The following VAV2 variants were observed in gnomAD, a reference collection of about 807,000 sequenced individuals.
VAV2 encodes guanine nucleotide exchange factor VAV2.
In VAV2, 67 loss-of-function variants were observed where a neutral mutation model predicts 132.5. That is an observed-to-expected ratio of 0.51 (90% CI 0.42 to 0.62). The LOEUF (loss-of-function observed/expected upper bound fraction) is 0.62. Among genes scored for constraint, VAV2 ranks in the 20% least tolerant of loss-of-function variants. The pLI is 0.00. For missense variants in VAV2, 938 were observed against 1,153.6 expected (o/e 0.81, Z 2.71); for synonymous variants, 492 against 443.5 (o/e 1.11, Z -1.37).
chr9:133,769,225 C>T lies in VAV2; in HGVS notation c.2434+192G>A, dbSNP rs891944283. On this transcript the variant is annotated intron_variant, in intron 28 of 29. Transcript: ENST00000371850. The surrounding 1 kb of genome is among the most constrained non-coding windows in gnomAD (Gnocchi z 8.1). ...GTGACAATGGCAGGGCCAAGCCTGA[C>T]GTGTCCTCAGGTGCTCGCAGCAGCC... 2.6e-5 allele frequency among the ~76,000 whole-genome samples: 4 copies of T among 152,226 alleles called. No individual in the cohort carries two copies. Among genetic ancestry groups the T allele is most frequent in the Non-Finnish European group, 5.9e-5 (4 of 68,032 alleles).
chr9:133,787,404 C>A, intron 15 of VAV2, 144 bp from the exon 16 acceptor site: 1 of 971,808 alleles, frequency 1.0e-6, no homozygotes, highest in South Asian at 3.1e-5. Context: ...GTGGGGTGAT[C>A]AGTGGGGAAA....
Position 133,912,485 on chromosome 9 carries a change from A to G in VAV2, c.321+26618T>C, listed in dbSNP as rs1447963165. Among the ~76,000 whole-genome samples the G allele has an allele frequency of 1.3e-5, 2 of 152,150 alleles. No homozygotes were observed. Among genetic ancestry groups the G allele is most frequent in the African/African-American group, 2.4e-5 (1 of 41,424 alleles). On this transcript the variant is annotated intron_variant, in intron 2 of 29. Coordinates refer to ENST00000371850, the MANE Select transcript of VAV2 (RefSeq NM_001134398.2). The surrounding 1 kb of genome is among the most constrained non-coding windows in gnomAD (Gnocchi z 4.3). Reference sequence around the variant, plus strand: ...GTACCCCAACATGTCAGGGTATATCAACACCCATATGTCACTGGTGCTGGG... The same window carrying G: ...GTACCCCAACATGTCAGGGTATATCGACACCCATATGTCACTGGTGCTGGG...
At position 133,928,713 on chromosome 9, in the gene VAV2, C is replaced by T. The variant is rs1409621122; in HGVS notation, c.321+10390G>A. Among the ~76,000 whole-genome samples the T allele has an allele frequency of 6.6e-6, 1 of 152,214 alleles. No individual in the cohort carries two copies. The highest frequency in any genetic ancestry group is 1.5e-5 in the Non-Finnish European group (1 of 68,038). The stretch of plus-strand genomic sequence containing the variant: ...TACCCCAAGGTTACTGCTGTGTTCT[C>T]CCCTGGCCAGACAGAGCCTGCGGGA... On this transcript the variant is annotated intron_variant, in intron 2 of 29. Transcript: ENST00000371850. This position sits in a 1 kb window ranked among gnomAD's most constrained non-coding sequence, Gnocchi z 5.4.
intron 2 of VAV2, among the ~76,000 whole-genome samples, chr9:133,903,958 C>T (rs530282034): frequency 2.1e-4 from 32 of 152,276 alleles, no homozygotes; most frequent in Non-Finnish European, 3.7e-4. Context: ...AAGATGTAAA[C>T]GATTGAGCAA....
At position 133,991,595 on chromosome 9, in the gene VAV2, CCCGCGCCCCTCCCGGGCCCTCCAG is replaced by C. The variant is rs1843020584; in HGVS notation, c.204+456_204+479del. ...TCCCTCCGGCCCCGAGGGCTCCCGC[CCCGCGCCCCTCCCGGGCCCTCCAG>C]CCGCGCCCCGGGCCGGCGCAGCGAC... On this transcript the variant is annotated intron_variant, in intron 1 of 29. Coordinates refer to ENST00000371850, the MANE Select transcript of VAV2 (RefSeq NM_001134398.2). The surrounding 1 kb of genome is among the most constrained non-coding windows in gnomAD (Gnocchi z 4.8). Among the ~76,000 whole-genome samples the C allele has an allele frequency of 6.6e-6, 1 of 151,626 alleles. No homozygotes were observed. The highest frequency in any genetic ancestry group is 1.5e-5 in the Non-Finnish European group (1 of 67,858).
intron 20 of VAV2, 68 bp from the exon 21 acceptor site, chr9:133,780,007 C>G (rs552411790): frequency 1.3e-6 from 2 of 1,598,630 alleles, no homozygotes; most frequent in African/African-American, 2.7e-5. Flanking sequence ...CATGCATCAA[C>G]GCACCCCGCC....
At chr9:133,836,155 CAG>C (rs1242808895) in intron 3 of VAV2, among the ~76,000 whole-genome samples, 1 of 152,216 alleles carries the variant, frequency 6.6e-6, no homozygotes, top group Non-Finnish European at 1.5e-5. Context: ...CATGCCGACA[CAG>C]ATCCCGCCCA....
At chr9:133,852,659 GC>G (rs1380203021) in intron 3 of VAV2, among the ~76,000 whole-genome samples, 1 of 152,052 alleles carries the variant, frequency 6.6e-6, no homozygotes, top group Non-Finnish European at 1.5e-5. Context: ...CTGCCAGGCT[GC>G]CAGCCCTGCT....
intron 13 of VAV2, among the ~76,000 whole-genome samples, chr9:133,791,417 C>G (rs58828586): frequency 0.032 from 4,926 of 152,108 alleles, 291 homozygotes; most frequent in African/African-American, 0.11. Flanking sequence ...AACCAGGGGG[C>G]GTCTCCTGCC....
At chr9:133,861,317 C>T in intron 3 of VAV2, 57 bp downstream of exon 3, 2 of 1,555,094 alleles carry the variant, frequency 1.3e-6, no homozygotes, top group Admixed American at 3.8e-5. Context: ...ACAAGGCACG[C>T]TGGTGTCGAT....
intron 4 of VAV2, among the ~76,000 whole-genome samples, chr9:133,822,271 C>T (rs559347395): frequency 7.9e-5 from 12 of 152,344 alleles, no homozygotes; most frequent in East Asian, 5.8e-4. Context: ...GCACTGGCCC[C>T]GGGCTGTCTG....
Position 133,912,409 on chromosome 9 carries a change from G to C in VAV2, c.321+26694C>G, listed in dbSNP as rs748273214. ...CACAAACGAGCCGGAGGCTTCTGGA[G>C]GACAGTGTGCCTAGATGAAGGAACC... On this transcript the variant is annotated intron_variant, in intron 2 of 29. Transcript: ENST00000371850. The surrounding 1 kb of genome is among the most constrained non-coding windows in gnomAD (Gnocchi z 4.3). 6.6e-6 allele frequency among the ~76,000 whole-genome samples: 1 copy of C among 152,198 alleles called. No individual in the cohort carries two copies.
chr9:133,778,629 G>A, intron 22 of VAV2, 133 bp downstream of exon 22: 8 of 1,364,310 alleles, frequency 5.9e-6, no homozygotes, highest in Non-Finnish European at 7.8e-6. Context: ...GGCCCCCTGT[G>A]CCTCCTCCTC....
At chr9:133,892,391 G>T (rs889602482) in intron 2 of VAV2, among the ~76,000 whole-genome samples, 1 of 151,846 alleles carries the variant, frequency 6.6e-6, no homozygotes, top group Admixed American at 6.6e-5. Flanking sequence ...TTGGAAATGT[G>T]GGGGCTGAGG....
intron 1 of VAV2, among the ~76,000 whole-genome samples, chr9:133,963,621 T>A (rs576319937): frequency 6.6e-6 from 1 of 152,280 alleles, no homozygotes; most frequent in East Asian, 1.9e-4. Flanking sequence ...ACTCCAGAAC[T>A]TCCAAGCACC....
At chr9:133,773,795 T>C (rs1285466635) in intron 25 of VAV2, among the ~76,000 whole-genome samples, 1 of 152,210 alleles carries the variant, frequency 6.6e-6, no homozygotes, top group Non-Finnish European at 1.5e-5. Context: ...CACTGTATAG[T>C]GAATCCATAA....
rs776032929 is a variant in VAV2 at position 133,797,667 on chromosome 9, A to C, written c.936+43T>G. On this transcript the variant is annotated intron_variant, in intron 10 of 29. Coordinates refer to ENST00000371850, the MANE Select transcript of VAV2 (RefSeq NM_001134398.2). ...TAACGAGCTCTGGCCTGCAAGCTGC[A>C]ACCTTGGAGCCAGGGCCAGGGCCAA... 1.5e-5 allele frequency: 23 copies of C among 1,579,460 alleles called. No homozygotes were observed. In the South Asian group the frequency reaches 2.7e-4, roughly 18 times the overall value.
At chr9:133,954,163 T>C (rs1030125263) in intron 1 of VAV2, among the ~76,000 whole-genome samples, 3 of 152,174 alleles carry the variant, frequency 2.0e-5, no homozygotes, top group African/African-American at 7.2e-5. Context: ...CACCCATCAT[T>C]TCGAGAAGAA....
At position 133,959,816 on chromosome 9, in the gene VAV2, C is replaced by T. The variant is rs1303523369; in HGVS notation, c.205-20597G>A. Reference sequence around the variant, plus strand: ...CTGAGAAGATGAAGGCAGAGGCTGGCCAGCCAAGGAGGGCCCAGAGCCGCA... The same window carrying T: ...CTGAGAAGATGAAGGCAGAGGCTGGTCAGCCAAGGAGGGCCCAGAGCCGCA... On this transcript the variant is annotated intron_variant, in intron 1 of 29. Coordinates refer to ENST00000371850, the MANE Select transcript of VAV2 (RefSeq NM_001134398.2). Among the ~76,000 whole-genome samples the T allele has an allele frequency of 1.3e-5, 2 of 152,184 alleles. 1 individual carries two copies. Among genetic ancestry groups the T allele is most frequent in the South Asian group, 4.1e-4 (2 of 4,830 alleles).
Sources: gnomAD v4.1 joint callset for allele counts (sites outside exome capture counted in the v4.1 genomes callset) on GRCh38, gnomAD v4.1.1 for gene constraint, Gnocchi (gnomAD v3.1) non-coding constraint, MANE v1.5 for transcripts, NCBI Gene and HGNC (gene_info 2026-07-23, HGNC 2026-07-21) for gene names.